Variants in TRPS1 observed in about 807,000 individuals in gnomAD.
TRPS1 encodes the protein transcriptional repressor GATA binding 1.
Under a neutral mutation model 101.2 loss-of-function variants are expected in TRPS1, and 6 were observed. The observed-to-expected ratio is 0.06, with a 90% CI of 0.03 to 0.12. The LOEUF is 0.12. Ranked by LOEUF, TRPS1 falls within the 10% of genes least tolerant of loss-of-function variation. The probability of loss-of-function intolerance (pLI) is 1.00; values close to 1 mark genes in which losing one functional copy is unlikely to be tolerated. For missense variants in TRPS1, 1,363 were observed against 1,567.0 expected (o/e 0.87, Z 2.20); for synonymous variants, 578 against 589.8 (o/e 0.98, Z 0.29).
chr8:115,449,709 T>C (rs572693689), intron 5 of TRPS1, among the ~76,000 whole-genome samples: 3 of 152,174 alleles, frequency 2.0e-5, no homozygotes, highest in Non-Finnish European at 4.4e-5. Context: ...AAGAGCATAA[T>C]ATTAAGGTGA....
intron 5 of TRPS1, among the ~76,000 whole-genome samples, chr8:115,450,607 A>C (rs1813844683): frequency 6.6e-6 from 1 of 152,020 alleles, no homozygotes; most frequent in African/African-American, 2.4e-5. Context: ...TAAATTTAGA[A>C]TCTTGTGGCC....
At chr8:115,620,403 A>G (rs1449024809) in intron 2 of TRPS1, among the ~76,000 whole-genome samples, 4 of 152,050 alleles carry the variant, frequency 2.6e-5, no homozygotes, top group African/African-American at 9.7e-5. Flanking sequence ...ATTGTAGCTA[A>G]CAATATATAT....
rs1434959935 is a variant in TRPS1, at chr8:115,526,246, T to C, written c.2700+60755A>G. Among the ~76,000 whole-genome samples, 5 of 151,900 alleles carry C rather than the reference T, an allele frequency of 3.3e-5. No homozygotes were observed. The East Asian group carries it at 7.8e-4, about 24-fold the overall frequency. On this transcript the variant is annotated intron_variant, in intron 5 of 6. Transcript: ENST00000395715. ...ATCTCTTGAACCCGGGAGCTGGAGG[T>C]TGCAGTGAGCTGACATCACGCCACT...
At chr8:115,594,940 C>T (rs1019603586) in intron 4 of TRPS1, among the ~76,000 whole-genome samples, 4 of 151,466 alleles carry the variant, frequency 2.6e-5, no homozygotes, top group Admixed American at 1.3e-4. Flanking sequence ...TTGAAGAGCT[C>T]TTTTTTACTA....
intron 5 of TRPS1, among the ~76,000 whole-genome samples, chr8:115,497,716 A>C (rs1401646633): frequency 1.3e-5 from 2 of 152,216 alleles, no homozygotes; most frequent in Admixed American, 1.3e-4. Context: ...CAGACCCTCT[A>C]CTTGCCCAAT....
chr8:115,545,182 C>T (rs1016820261), intron 5 of TRPS1, among the ~76,000 whole-genome samples: 10 of 152,168 alleles, frequency 6.6e-5, no homozygotes, highest in African/African-American at 2.4e-4. Flanking sequence ...TCAGAAACTA[C>T]TATCAAATGC....
intron 5 of TRPS1, among the ~76,000 whole-genome samples, chr8:115,464,790 A>C (rs1373892630): frequency 6.6e-6 from 1 of 152,056 alleles, no homozygotes; most frequent in Non-Finnish European, 1.5e-5. Flanking sequence ...GTGTGCCTTA[A>C]ATTTTTTCTT....
intron 5 of TRPS1, among the ~76,000 whole-genome samples, chr8:115,438,540 C>T (rs1813513399): frequency 6.6e-6 from 1 of 152,150 alleles, no homozygotes; most frequent in Admixed American, 6.5e-5. Context: ...GGTTGGTGTT[C>T]AGTAACCTAG....
At chr8:115,449,842 G>A (rs1813823231) in intron 5 of TRPS1, among the ~76,000 whole-genome samples, 1 of 152,140 alleles carries the variant, frequency 6.6e-6, no homozygotes, top group African/African-American at 2.4e-5. Flanking sequence ...ACTGCTGGAA[G>A]AGAAATAATG....
In TRPS1 at chr8:115,587,328, C is replaced by G; in HGVS notation, c.2373G>C (p.Glu791Asp). ...CACTGGAACTCTCGGTCCAAACTTT[C>G]TCTTTGAGCCCGTCCTTCTCTTCCA... ...EKLEEKDGLK[E>D]KVWTESSSDD... Residue 791 changes from glutamate to aspartate, a missense_variant, in exon 5 of 7, where the codon GAG becomes GAC. Transcript: ENST00000395715. The G allele has an allele frequency of 6.2e-7, 1 of 1,614,218 alleles. No homozygotes were observed. Among genetic ancestry groups the G allele is most frequent in the East Asian group, 2.2e-5 (1 of 44,882 alleles).
At chr8:115,620,085 G>C (rs1160901143) in intron 2 of TRPS1, 25 bp from the exon 3 acceptor site, 52 of 1,608,128 alleles carry the variant, frequency 3.2e-5, no homozygotes, top group Non-Finnish European at 4.2e-5. Flanking sequence ...GGAAAAGGCA[G>C]ATACAGTGTT....
chr8:115,423,175 A>G (rs1054867749), intron 5 of TRPS1, among the ~76,000 whole-genome samples: 7 of 152,266 alleles, frequency 4.6e-5, no homozygotes, highest in African/African-American at 1.4e-4. Context: ...AAATTGCTAC[A>G]GAAAAAATTC....
At chr8:115,619,027 G>T in intron 3 of TRPS1, 105 bp downstream of exon 3, 1 of 1,222,048 alleles carries the variant, frequency 8.2e-7, no homozygotes, top group African/African-American at 1.5e-5. Context: ...AGATCTAGCA[G>T]GCTACCTGTC....
At chr8:115,564,673 C>G (rs1817026130) in intron 5 of TRPS1, among the ~76,000 whole-genome samples, 1 of 152,030 alleles carries the variant, frequency 6.6e-6, no homozygotes, top group Admixed American at 6.6e-5. Context: ...TTTCTGTTGC[C>G]AAAATGCTGA....
intron 5 of TRPS1, among the ~76,000 whole-genome samples, chr8:115,573,426 T>C (rs1296773099): frequency 2.0e-5 from 3 of 152,164 alleles, no homozygotes; most frequent in Admixed American, 2.0e-4. Context: ...TCAAAGCCTC[T>C]TTTTTGTCAC....
chr8:115,637,193 A>C (rs541822875), intron 1 of TRPS1: 2 of 935,062 alleles, frequency 2.1e-6, no homozygotes, highest in South Asian at 4.9e-5. Flanking sequence ...AACATATGTC[A>C]AGAAACAGAG....
intron 5 of TRPS1, among the ~76,000 whole-genome samples, chr8:115,580,243 AAAAT>A (rs1563618687): frequency 1.4e-5 from 2 of 139,002 alleles, no homozygotes; most frequent in African/African-American, 5.7e-5. Flanking sequence ...AGAAAAAAAA[AAAAT>A]ATATATATAT....
intron 5 of TRPS1, among the ~76,000 whole-genome samples, chr8:115,539,875 TG>T (rs1816410622): frequency 6.6e-6 from 1 of 152,176 alleles, no homozygotes; most frequent in South Asian, 2.1e-4. Context: ...GGAATTATCC[TG>T]ATTTTGCTGG....
At chr8:115,479,212 A>G (rs1237545366) in intron 5 of TRPS1, among the ~76,000 whole-genome samples, 1 of 152,168 alleles carries the variant, frequency 6.6e-6, no homozygotes, top group African/African-American at 2.4e-5. Context: ...ACAAATATTA[A>G]TTGAACACTT....
Sources: gnomAD v4.1 joint callset for allele counts (sites outside exome capture counted in the v4.1 genomes callset) on GRCh38, gnomAD v4.1.1 for gene constraint, MANE v1.5 for transcripts, NCBI Gene and HGNC (gene_info 2026-07-23, HGNC 2026-07-21) for gene names.